Variants in ADAMTSL1 observed in about 807,000 individuals in gnomAD.
ADAMTSL1 encodes the protein ADAMTS like 1.
Under a neutral mutation model 201.8 loss-of-function variants are expected in ADAMTSL1, and 126 were observed. The observed-to-expected ratio is 0.62, with a 90% CI of 0.54 to 0.72. ADAMTSL1 has a LOEUF of 0.72. Ranked by LOEUF, ADAMTSL1 falls within the 30% of genes least tolerant of loss-of-function variation. The pLI is 0.00. For synonymous variants in ADAMTSL1, 1,121 were observed against 903.4 expected (o/e 1.24, Z -4.32); for missense variants, 2,679 against 2,277.8 (o/e 1.18, Z -3.59).
intron 23 of ADAMTSL1, among the ~76,000 whole-genome samples, chr9:18,830,205 G>C (rs1056814727): frequency 6.6e-6 from 1 of 152,076 alleles, no homozygotes; most frequent in African/African-American, 2.4e-5. Context: ...TTCCAATATG[G>C]CTCCTTTCTG....
At chr9:18,463,425 T>TATAG (rs1170215647) in intron 2 of ADAMTSL1, among the ~76,000 whole-genome samples, 1 of 152,206 alleles carries the variant, frequency 6.6e-6, no homozygotes, top group Admixed American at 6.5e-5. Context: ...ATTTTAGGTG[T>TATAG]ATAGTACTGT....
intron 2 of ADAMTSL1, among the ~76,000 whole-genome samples, chr9:18,310,399 A>AAAAAAAAAAAAAAAAAAAAAAAAAAAAC (rs1440483712): frequency 7.9e-6 from 1 of 127,324 alleles, no homozygotes; most frequent in Non-Finnish European, 1.7e-5. Flanking sequence ...AAAAAAAAAA[A>AAAAAAAAAAAAAAAAAAAAAAAAAAAAC]CTATCTTCAG....
intron 2 of ADAMTSL1, among the ~76,000 whole-genome samples, chr9:18,404,522 T>A (rs1393930526): frequency 6.6e-6 from 1 of 152,226 alleles, no homozygotes; most frequent in Non-Finnish European, 1.5e-5. Context: ...TGGTGCCCTG[T>A]AATCTTGACC....
intron 3 of ADAMTSL1, among the ~76,000 whole-genome samples, chr9:18,545,007 C>CA (rs1820389899): frequency 6.6e-6 from 1 of 152,174 alleles, no homozygotes; most frequent in African/African-American, 2.4e-5. Context: ...CGAGCTTAGG[C>CA]AGACAGCTTT....
intron 1 of ADAMTSL1, among the ~76,000 whole-genome samples, chr9:18,476,861 A>G (rs990949309): frequency 1.3e-5 from 2 of 152,138 alleles, no homozygotes; most frequent in African/African-American, 4.8e-5. Flanking sequence ...TATCATGACT[A>G]GGTTCTTGAG....
At chr9:18,110,594 T>C (rs769795877) in intron 1 of ADAMTSL1, among the ~76,000 whole-genome samples, 4 of 152,182 alleles carry the variant, frequency 2.6e-5, no homozygotes, top group Non-Finnish European at 5.9e-5. Context: ...ACTGTCTCTT[T>C]TGTAAGAGAA....
At chr9:18,321,362 G>A (rs1048607379) in intron 2 of ADAMTSL1, among the ~76,000 whole-genome samples, 3 of 152,172 alleles carry the variant, frequency 2.0e-5, no homozygotes, top group African/African-American at 7.2e-5. Context: ...CATGGTTGAC[G>A]ATTTTTAAAT....
intron 2 of ADAMTSL1, among the ~76,000 whole-genome samples, chr9:18,330,675 G>A (rs1302764003): frequency 6.6e-6 from 1 of 152,116 alleles, no homozygotes; most frequent in Non-Finnish European, 1.5e-5. Context: ...GTAGAAAGTG[G>A]CAAAACTGGG....
intron 2 of ADAMTSL1, among the ~76,000 whole-genome samples, chr9:18,248,423 T>C (rs1387592308): frequency 1.3e-5 from 2 of 152,122 alleles, no homozygotes; most frequent in Admixed American, 6.6e-5. Context: ...TTCAGCCAGT[T>C]CAGGAGCCCA....
intron 3 of ADAMTSL1, among the ~76,000 whole-genome samples, chr9:18,553,094 A>C (rs558963839): frequency 2.0e-5 from 3 of 151,150 alleles, no homozygotes; most frequent in African/African-American, 7.3e-5. Flanking sequence ...ATTTGCTGTC[A>C]CTATGATTAC....
intron 19 of ADAMTSL1, among the ~76,000 whole-genome samples, chr9:18,791,588 A>G (rs112606831): frequency 9.8e-5 from 15 of 152,316 alleles, no homozygotes; most frequent in African/African-American, 3.4e-4. Context: ...CCCCCAAATA[A>G]CTATGTACCC....
chr9:18,878,277 CCT>C (rs941869372), intron 23 of ADAMTSL1, among the ~76,000 whole-genome samples: 80 of 152,372 alleles, frequency 5.3e-4, no homozygotes, highest in African/African-American at 1.7e-3. Context: ...ATCTGCACTC[CCT>C]GTTAACCCCC....
At chr9:18,485,411 G>A (rs1322510430) in intron 1 of ADAMTSL1, among the ~76,000 whole-genome samples, 1 of 152,182 alleles carries the variant, frequency 6.6e-6, no homozygotes, top group Non-Finnish European at 1.5e-5. Context: ...CTGTCTGCCA[G>A]TCACTTTCCT....
chr9:18,616,516 T>C (rs1168732253), intron 4 of ADAMTSL1, among the ~76,000 whole-genome samples: 1 of 152,186 alleles, frequency 6.6e-6, no homozygotes, highest in African/African-American at 2.4e-5. Flanking sequence ...TGCTCCCGAG[T>C]GGTTTTTGAT....
chr9:18,097,806 C>T (rs79368155), intron 1 of ADAMTSL1, among the ~76,000 whole-genome samples: 5,055 of 151,972 alleles, frequency 0.033, 115 homozygotes, highest in Non-Finnish European at 0.051. Context: ...TTTACATATT[C>T]CAGATAAAAA....
Position 18,706,845 on chromosome 9 carries a change from C to G in ADAMTSL1, c.1673C>G (p.Ser558Cys). The G allele has an allele frequency of 6.2e-7, 1 of 1,612,820 alleles. No individual in the cohort carries two copies. Among genetic ancestry groups the G allele is most frequent in the Non-Finnish European group, 8.5e-7 (1 of 1,179,314 alleles). ...CAGGTGCTCCTGTCTTTCTCTCAGTCCGTGGCTGACCTGCCTATTGACGAG... is the reference window on the plus strand; with the variant it reads ...CAGGTGCTCCTGTCTTTCTCTCAGTGCGTGGCTGACCTGCCTATTGACGAG... Reference protein sequence around the residue: ...RCQVLLSFSQSVADLPIDECE... With the variant: ...RCQVLLSFSQCVADLPIDECE... Residue 558 changes from serine (S) to cysteine (C), a missense_variant, in exon 14 of 29, where the codon TCC becomes TGC. Transcript: ENST00000380548.
At chr9:18,065,419 C>G (rs1305561727) in intron 1 of ADAMTSL1, among the ~76,000 whole-genome samples, 1 of 152,144 alleles carries the variant, frequency 6.6e-6, no homozygotes, top group Non-Finnish European at 1.5e-5. Context: ...TGCATGCCCT[C>G]TTTATAATTG....
chr9:18,315,724 C>T (rs1171066935), intron 2 of ADAMTSL1, among the ~76,000 whole-genome samples: 9 of 152,314 alleles, frequency 5.9e-5, no homozygotes, highest in East Asian at 1.9e-4. Flanking sequence ...CCACACCTCC[C>T]GGCAAGCAGA....
intron 2 of ADAMTSL1, among the ~76,000 whole-genome samples, chr9:18,317,570 G>A (rs1281116310): frequency 6.6e-6 from 1 of 152,172 alleles, no homozygotes; most frequent in Non-Finnish European, 1.5e-5. Flanking sequence ...TTATGCCTCA[G>A]GAAAGTTGGG....
Sources: gnomAD v4.1 joint callset for allele counts (sites outside exome capture counted in the v4.1 genomes callset) on GRCh38, gnomAD v4.1.1 for gene constraint, MANE v1.5 for transcripts, NCBI Gene and HGNC (gene_info 2026-07-23, HGNC 2026-07-21) for gene names.